ZNF622: variants seen among roughly 807,000 people sequenced by gnomAD.
The protein encoded by ZNF622 is cytoplasmic 60S subunit biogenesis factor ZNF622.
A neutral mutation model predicts 49.7 loss-of-function variants in ZNF622; 34 were observed. That is an observed-to-expected ratio of 0.68 (90% CI 0.52 to 0.91). The LOEUF is 0.91. Among genes scored for constraint, ZNF622 ranks in the 40% least tolerant of loss-of-function variants. The pLI, the probability that ZNF622 is intolerant of heterozygous loss-of-function variation, is 0.00. For synonymous variants in ZNF622, 209 were observed against 228.7 expected, an observed-to-expected ratio of 0.91 and a Z score of 0.78; for missense variants, 569 against 616.4, an observed-to-expected ratio of 0.92 and a Z score of 0.81.
chr5:16,465,762 G>A lies in ZNF622; in HGVS notation c.-97C>T, dbSNP rs1041787755. 253 of 1,472,786 alleles carry A rather than the reference G, an allele frequency of 1.7e-4. 2 individuals carry two copies. The highest frequency in any genetic ancestry group is 1.8e-5 in the Non-Finnish European group (20 of 1,101,230). The allele number at this position is 1,472,786 out of a possible 1,614,324, so 91.2% of individuals were successfully genotyped here. ...AGACCTTAACCCGCCTCAGCAGCCA[G>A]GAAGAGCCACTCGACACGCCGACTT... On this transcript the variant is annotated 5_prime_UTR_variant, in exon 1 of 6. Coordinates refer to ENST00000308683, the MANE Select transcript of ZNF622 (RefSeq NM_033414.3). The surrounding 1 kb of genome is among the most constrained non-coding windows in gnomAD (Gnocchi z 6.2).
intron 3 of ZNF622, among the ~76,000 whole-genome samples, chr5:16,460,711 A>T (rs532620723): frequency 6.6e-6 from 1 of 152,062 alleles, no homozygotes; most frequent in Admixed American, 6.5e-5. Flanking sequence ...GCTGACTTTT[A>T]TTTTTTTAAG....
At chr5:16,462,471 G>C (rs1020326942) in intron 3 of ZNF622, among the ~76,000 whole-genome samples, 2 of 152,128 alleles carry the variant, frequency 1.3e-5, no homozygotes, top group African/African-American at 4.8e-5. Context: ...AGACCAGCCT[G>C]GGTAACATGG....
chr5:16,462,716 T>G (rs1738139982), intron 3 of ZNF622, among the ~76,000 whole-genome samples: 1 of 152,158 alleles, frequency 6.6e-6, no homozygotes, highest in Admixed American at 6.5e-5. Context: ...ATCAGATGCC[T>G]GGTTTGGGCC....
rs1047584542 is a variant in ZNF622 at position 16,463,419 on chromosome 5, C to T, written c.886+63G>A. On this transcript the variant is annotated intron_variant, in intron 2 of 5. Transcript: ENST00000308683. This position sits in a 1 kb window ranked among gnomAD's most constrained non-coding sequence, Gnocchi z 4.2. ...ATGAAAAATGCAAAACTAATGTTCC[C>T]TTGAGACCAGTCCCCCAATAATGTG... 245 of 1,539,032 alleles carry T rather than the reference C, an allele frequency of 1.6e-4. No homozygotes were observed. The highest frequency in any genetic ancestry group is 2.0e-4 in the Non-Finnish European group (231 of 1,135,770).
chr5:16,464,927 A>G lies in ZNF622; in HGVS notation c.625+114T>C. Reference sequence around the variant, plus strand: ...AGCGTCTAAACCACCTTCCCTCATCATTTTTACTTAAAAGCTCTCAAACAC... The same window carrying G: ...AGCGTCTAAACCACCTTCCCTCATCGTTTTTACTTAAAAGCTCTCAAACAC... On this transcript the variant is annotated intron_variant, in intron 1 of 5. Coordinates refer to ENST00000308683, the MANE Select transcript of ZNF622 (RefSeq NM_033414.3). The G allele has an allele frequency of 4.8e-6, 7 of 1,450,314 alleles. No individual in the cohort carries two copies. In the South Asian group the frequency reaches 9.8e-5, roughly 20 times the overall value. 89.8% of individuals were successfully genotyped at this position (1,450,314 alleles called of 1,614,324 possible). A position where few individuals can be genotyped will look rare whatever the true frequency, so the allele number is the denominator to read the frequency against.
At chr5:16,457,674 C>T (rs1738053473) in intron 4 of ZNF622, among the ~76,000 whole-genome samples, 1 of 152,170 alleles carries the variant, frequency 6.6e-6, no homozygotes, top group Admixed American at 6.5e-5. Context: ...TTGCGGACCT[C>T]TCCACCAGCA....
At chr5:16,462,167 T>C (rs912734520) in intron 3 of ZNF622, among the ~76,000 whole-genome samples, 1 of 152,052 alleles carries the variant, frequency 6.6e-6, no homozygotes. Flanking sequence ...AGCTGCAAAA[T>C]GAGAAATCAG....
In ZNF622 at chr5:16,463,133, C is replaced by T; in HGVS notation, c.1024G>A (p.Glu342Lys). The T allele has an allele frequency of 6.2e-7, 1 of 1,610,122 alleles. No homozygotes were observed. The highest frequency in any genetic ancestry group is 8.5e-7 in the Non-Finnish European group (1 of 1,179,126). ...CTAAAATCATAGAAGTCTGCAAATTCCAAAGCAGCATCGCCATCTGTGAAG... is the reference window on the plus strand; with the variant it reads ...CTAAAATCATAGAAGTCTGCAAATTTCAAAGCAGCATCGCCATCTGTGAAG... ...KLFTDGDAAL[E>K]FADFYDFRSS... Residue 342 changes from glutamate (E) to lysine (K), a missense_variant, in exon 3 of 6, where the codon GAA becomes AAA. Coordinates refer to ENST00000308683, the MANE Select transcript of ZNF622 (RefSeq NM_033414.3). This position sits in a 1 kb window ranked among gnomAD's most constrained non-coding sequence, Gnocchi z 4.2.
At position 16,465,157 on chromosome 5, in the gene ZNF622, T is replaced by C. The variant is rs1455422394; in HGVS notation, c.509A>G (p.Asp170Gly). 6.2e-7 allele frequency: 1 copy of C among 1,614,198 alleles called. No individual in the cohort carries two copies. Among genetic ancestry groups the C allele is most frequent in the Non-Finnish European group, 8.5e-7 (1 of 1,180,020 alleles). Residue 170 changes from aspartate (D) to glycine (G), a missense_variant, in exon 1 of 6, where the codon GAC becomes GGC. Coordinates refer to ENST00000308683, the MANE Select transcript of ZNF622 (RefSeq NM_033414.3). The surrounding 1 kb of genome is among the most constrained non-coding windows in gnomAD (Gnocchi z 6.2). ...AVGTGGRGTH[D>G]RDPSEKPPRL... is the part of the protein sequence containing the mutation. ...GGGTGGTTTCTCACTCGGGTCTCGG[T>C]CGTGGGTCCCACGGCCACCAGTACC...
In ZNF622 at chr5:16,463,332, CTATT is replaced by C. The variant is rs1738153110; in HGVS notation, c.887-66_887-63del. On this transcript the variant is annotated intron_variant, in intron 2 of 5. Coordinates refer to ENST00000308683, the MANE Select transcript of ZNF622 (RefSeq NM_033414.3). This position sits in a 1 kb window ranked among gnomAD's most constrained non-coding sequence, Gnocchi z 4.2. ...CTTTTTGCAACCAGATTAAATCTCACTATTTGTCACCAAAACTCAAAAATCATTC... is the reference window on the plus strand; with the variant it reads ...CTTTTTGCAACCAGATTAAATCTCACTGTCACCAAAACTCAAAAATCATTC... 2.6e-6 allele frequency: 4 copies of C among 1,538,628 alleles called. No individual in the cohort carries two copies. The Admixed American group carries it at 8.5e-5, about 33-fold the overall frequency.
At chr5:16,455,548 CA>C (rs1468008908) in intron 4 of ZNF622, among the ~76,000 whole-genome samples, 3 of 152,116 alleles carry the variant, frequency 2.0e-5, no homozygotes, top group Non-Finnish European at 4.4e-5. Context: ...TAAGAGTTAA[CA>C]AAGCTCTTAG....
rs1738070578 is a variant in ZNF622 at position 16,458,619 on chromosome 5, GATAGCTACTCCT to G, written c.1050-2_1059del. 6.2e-7 allele frequency: 1 copy of G among 1,610,266 alleles called. No homozygotes were observed. The highest frequency in any genetic ancestry group is 8.5e-7 in the Non-Finnish European group (1 of 1,177,180). ...GGGTCCTCCCCTTCCTTGTGATCTG[GATAGCTACTCCT>G]ATAACAGAGAAATTGCACTAATAAA... On this transcript the variant is annotated splice_acceptor_variant and coding_sequence_variant, in exon 4 of 6. Coordinates refer to ENST00000308683, the MANE Select transcript of ZNF622 (RefSeq NM_033414.3). LOFTEE classifies it high-confidence loss of function.
rs778519456 is a variant in ZNF622, at chr5:16,463,317, C to T, written c.887-47G>A. 3.2e-6 allele frequency: 5 copies of T among 1,566,908 alleles called. No homozygotes were observed. In the South Asian group the frequency reaches 3.6e-5, roughly 11 times the overall value. ...AAAATATGAAAAAAGCTTTTTGCAA[C>T]CAGATTAAATCTCACTATTTGTCAC... On this transcript the variant is annotated intron_variant, in intron 2 of 5. Transcript: ENST00000308683. This position sits in a 1 kb window ranked among gnomAD's most constrained non-coding sequence, Gnocchi z 4.2.
Position 16,463,788 on chromosome 5 carries a change from C to T in ZNF622, c.626-46G>A. ...ATATAAAGTTTAAGAAAAGTAGTAG[C>T]AAGCAAAGATATCACAAAAATTCAC... On this transcript the variant is annotated intron_variant, in intron 1 of 5. Transcript: ENST00000308683. This position sits in a 1 kb window ranked among gnomAD's most constrained non-coding sequence, Gnocchi z 4.2. The T allele has an allele frequency of 6.3e-7, 1 of 1,588,860 alleles. No homozygotes were observed. The highest frequency in any genetic ancestry group is 8.6e-7 in the Non-Finnish European group (1 of 1,166,098).
intron 4 of ZNF622, among the ~76,000 whole-genome samples, chr5:16,454,820 C>T (rs1406325623): frequency 6.6e-6 from 1 of 152,174 alleles, no homozygotes; most frequent in African/African-American, 2.4e-5. Flanking sequence ...CACACAAAGC[C>T]TAAACGATCA....
chr5:16,460,880 C>T (rs906040903), intron 3 of ZNF622, among the ~76,000 whole-genome samples: 2 of 152,088 alleles, frequency 1.3e-5, no homozygotes, highest in South Asian at 2.1e-4. Flanking sequence ...TTCAAACTAA[C>T]GGTTTAAGCA....
In ZNF622 at chr5:16,463,130, A is replaced by G. The variant is rs1363252205; in HGVS notation, c.1027T>C (p.Phe343Leu). The G allele has an allele frequency of 6.2e-7, 1 of 1,608,326 alleles. No homozygotes were observed. The highest frequency in any genetic ancestry group is 2.2e-5 in the East Asian group (1 of 44,848). The stretch of plus-strand genomic sequence containing the variant: ...TACCTAAAATCATAGAAGTCTGCAA[A>G]TTCCAAAGCAGCATCGCCATCTGTG... Reference protein sequence around the residue: ...LFTDGDAALEFADFYDFRSSY... With the variant: ...LFTDGDAALELADFYDFRSSY... Residue 343 changes from phenylalanine (F) to leucine (L), a missense_variant, in exon 3 of 6, where the codon TTT (phenylalanine) becomes CTT (leucine). Phe to Leu is a conservative substitution (Grantham distance 22). Coordinates refer to ENST00000308683, the MANE Select transcript of ZNF622 (RefSeq NM_033414.3). This position sits in a 1 kb window ranked among gnomAD's most constrained non-coding sequence, Gnocchi z 4.2.
chr5:16,457,779 G>A (rs1462391724), intron 4 of ZNF622, among the ~76,000 whole-genome samples: 1 of 152,156 alleles, frequency 6.6e-6, no homozygotes, highest in East Asian at 1.9e-4. Flanking sequence ...ATGTGATCCT[G>A]GTAAGTTACT....
intron 4 of ZNF622, among the ~76,000 whole-genome samples, chr5:16,454,482 C>T (rs1225055212): frequency 3.0e-4 from 27 of 89,766 alleles, no homozygotes; most frequent in East Asian, 1.2e-3. Flanking sequence ...AGCAAGACTC[C>T]GTCTCCAAAA....
Sources: gnomAD v4.1 joint callset for allele counts (sites outside exome capture counted in the v4.1 genomes callset) on GRCh38, gnomAD v4.1.1 for gene constraint, Gnocchi (gnomAD v3.1) non-coding constraint, MANE v1.5 for transcripts, NCBI Gene and HGNC (gene_info 2026-07-23, HGNC 2026-07-21) for gene names.